Variants in RBFOX1 observed in about 807,000 individuals in gnomAD.
RBFOX1 encodes the protein RNA binding protein fox-1 homolog 1.
Under a neutral mutation model 57.7 loss-of-function variants are expected in RBFOX1, and 8 were observed. The ratio of observed to expected loss-of-function variants is 0.14; its 90% CI spans 0.08 to 0.25. RBFOX1 has a LOEUF of 0.25. Among genes scored for constraint, RBFOX1 ranks in the 10% least tolerant of loss-of-function variants. The probability of loss-of-function intolerance (pLI) is 1.00; values close to 1 mark genes in which losing one functional copy is unlikely to be tolerated. For missense variants in RBFOX1, 611 were observed against 548.5 expected, an observed-to-expected ratio of 1.11 and a Z score of -1.14; for synonymous variants, 326 against 222.4, an observed-to-expected ratio of 1.47 and a Z score of -4.15.
At chr16:5,306,797 AG>A (rs2063948563) in intron 1 of RBFOX1, among the ~76,000 whole-genome samples, 1 of 152,190 alleles carries the variant, frequency 6.6e-6, no homozygotes, top group South Asian at 2.1e-4. Context: ...TGCGTCTTGC[AG>A]GACCGTAAGA....
Position 7,579,803 on chromosome 16 carries a change from T to C in RBFOX1, c.297T>C (p.Asp99=), listed in dbSNP as rs776368600. Residue 99 remains aspartate, a synonymous_variant, in exon 6 of 16, where the codon GAT becomes GAC. Transcript: ENST00000550418. ...AGACAGATGACGCAGCACCGACGGATGGCCAGCCCCAGACACAACCTTCTG... is the reference window on the plus strand; with the variant it reads ...AGACAGATGACGCAGCACCGACGGACGGCCAGCCCCAGACACAACCTTCTG... ...ATQTDDAAPT[D]GQPQTQPSEN... 6.2e-6 allele frequency: 10 copies of C among 1,613,980 alleles called. No individual in the cohort carries two copies. The African/African-American group carries it at 1.2e-4, about 19-fold the overall frequency.
chr16:7,427,505 G>C (rs1364097438), intron 4 of RBFOX1, among the ~76,000 whole-genome samples: 1 of 152,022 alleles, frequency 6.6e-6, no homozygotes, highest in East Asian at 1.9e-4. Context: ...CAGTGCAGAA[G>C]AAAATCCCCA....
At chr16:5,824,983 A>G (rs141263375) in intron 3 of RBFOX1, among the ~76,000 whole-genome samples, 1,875 of 152,284 alleles carry the variant, frequency 0.012, 21 homozygotes, top group Non-Finnish European at 0.02. Flanking sequence ...CTCTTACTCC[A>G]TCAGAAAATT....
chr16:6,968,529 C>G (rs996037773), intron 3 of RBFOX1, among the ~76,000 whole-genome samples: 9 of 152,066 alleles, frequency 5.9e-5, no homozygotes, highest in African/African-American at 1.7e-4. Context: ...TGAGAGCAGT[C>G]TTAAAGATTT....
chr16:7,156,325 C>T (rs915826082), intron 4 of RBFOX1, among the ~76,000 whole-genome samples: 4 of 150,324 alleles, frequency 2.7e-5, no homozygotes, highest in African/African-American at 1.0e-4. Context: ...TATAGACTTG[C>T]AGCATATGTA....
At chr16:6,272,377 C>G (rs2098334) in intron 1 of RBFOX1, among the ~76,000 whole-genome samples, 19,861 of 151,978 alleles carry the variant, frequency 0.13, 2,091 homozygotes, top group African/African-American at 0.28. Flanking sequence ...TACAATGACT[C>G]AAAAAATATA....
At chr16:6,286,461 T>C (rs369749361) in intron 1 of RBFOX1, among the ~76,000 whole-genome samples, 4 of 152,212 alleles carry the variant, frequency 2.6e-5, no homozygotes, top group African/African-American at 9.6e-5. Flanking sequence ...ATCCCTCTCC[T>C]CCTTCATACA....
chr16:5,979,872 G>GAAAT (rs1007676628), intron 4 of RBFOX1, among the ~76,000 whole-genome samples: 1 of 152,132 alleles, frequency 6.6e-6, no homozygotes, highest in African/African-American at 2.4e-5. Flanking sequence ...AAGAAAGAAA[G>GAAAT]AAATTAAAGT....
rs566103281 is a variant in RBFOX1, at chr16:6,790,539, C to A, written c.-16+135889C>A. ...ATCATAGTTTGCAAAGTGTGGTTCT[C>A]CTTTCCTATTTAGCCTCTATTCCCC... On this transcript the variant is annotated intron_variant, in intron 3 of 15. Transcript: ENST00000550418. Among the ~76,000 whole-genome samples, 9 of 152,268 alleles carry A rather than the reference C, an allele frequency of 5.9e-5. No individual in the cohort carries two copies. The South Asian group carries it at 1.2e-3, about 21-fold the overall frequency.
chr16:6,665,857 T>C lies in RBFOX1; in HGVS notation c.-16+11207T>C, dbSNP rs879866905. 3.3e-5 allele frequency among the ~76,000 whole-genome samples: 5 copies of C among 152,014 alleles called. 1 individual carries two copies. The South Asian group carries it at 1.0e-3, about 32-fold the overall frequency. Reference sequence around the variant, plus strand: ...ATCCCCATGTTACAGATGAGAAAAATGAGGGAAAGAGGTGATATGGTTTGA... The same window carrying C: ...ATCCCCATGTTACAGATGAGAAAAACGAGGGAAAGAGGTGATATGGTTTGA... On this transcript the variant is annotated intron_variant, in intron 3 of 15. Transcript: ENST00000550418.
At chr16:6,473,189 C>A (rs2095217369) in intron 2 of RBFOX1, among the ~76,000 whole-genome samples, 1 of 152,156 alleles carries the variant, frequency 6.6e-6, no homozygotes, top group African/African-American at 2.4e-5. Context: ...TCTTTGTTTT[C>A]TAGCCCTGCC....
Position 7,202,403 on chromosome 16 carries a change from G to A in RBFOX1, c.27+150305G>A, listed in dbSNP as rs2088801227. On this transcript the variant is annotated intron_variant, in intron 4 of 15. Transcript: ENST00000550418. ...AGGAAGGTAAAATAGTACAGGTGCT[G>A]TGGAAGACAGCATGGAGATTCCCAA... Among the ~76,000 whole-genome samples, 4 of 151,946 alleles carry A rather than the reference G, an allele frequency of 2.6e-5. 1 individual carries two copies. In the South Asian group the frequency reaches 8.3e-4, roughly 31 times the overall value.
intron 3 of RBFOX1, chr16:5,867,170 G>GTGTA (rs986834916): frequency 7.2e-6 from 3 of 417,906 alleles, no homozygotes; most frequent in Middle Eastern, 6.1e-4. Context: ...GTGTGTGTGT[G>GTGTA]TGTGGTGTGT....
intron 3 of RBFOX1, among the ~76,000 whole-genome samples, chr16:6,780,770 C>G (rs74759516): frequency 0.12 from 17,861 of 151,150 alleles, 1,325 homozygotes; most frequent in Admixed American, 0.22. Flanking sequence ...TTCCGCATAC[C>G]TTTTGGTCAT....
At chr16:7,249,807 C>G (rs937053573) in intron 4 of RBFOX1, among the ~76,000 whole-genome samples, 1 of 151,738 alleles carries the variant, frequency 6.6e-6, no homozygotes, top group Non-Finnish European at 1.5e-5. Context: ...CCAGGACTTT[C>G]TGGAGTCAGT....
chr16:5,616,571 C>T (rs112282969), intron 3 of RBFOX1, among the ~76,000 whole-genome samples: 189 of 150,216 alleles, frequency 1.3e-3, no homozygotes, highest in African/African-American at 4.5e-3. Context: ...CTCCTCTTCC[C>T]TCTCCCTTCT....
Position 6,152,381 on chromosome 16 carries a change from C to T in RBFOX1, c.-127+132389C>T, listed in dbSNP as rs187577310. 3.4e-3 allele frequency among the ~76,000 whole-genome samples: 517 copies of T among 152,080 alleles called. 2 individuals are homozygous for T. Among genetic ancestry groups the T allele is most frequent in the Non-Finnish European group, 6.4e-3 (436 of 67,992 alleles). On this transcript the variant is annotated intron_variant, in intron 1 of 15. Transcript: ENST00000550418. ...CTGCTGTTTGCTTCATCCAAATATG[C>T]ATGGAAAAGTTTTAAGTGGTTGTTG...
chr16:6,391,509 C>CA (rs538935947), intron 2 of RBFOX1, among the ~76,000 whole-genome samples: 7,264 of 78,050 alleles, frequency 0.093, 352 homozygotes, highest in African/African-American at 0.19. Flanking sequence ...GACTCCGTCT[C>CA]AAAAAAAAAA....
chr16:6,403,561 A>T (rs917770388), intron 2 of RBFOX1, among the ~76,000 whole-genome samples: 4 of 152,010 alleles, frequency 2.6e-5, no homozygotes, highest in African/African-American at 7.2e-5. Flanking sequence ...ATGTGGTCTC[A>T]CTATGCTGAT....
Sources: gnomAD v4.1 joint callset for allele counts (sites outside exome capture counted in the v4.1 genomes callset) on GRCh38, gnomAD v4.1.1 for gene constraint, MANE v1.5 for transcripts, NCBI Gene and HGNC (gene_info 2026-07-23, HGNC 2026-07-21) for gene names.